Variants in INPP4A observed in about 807,000 individuals in gnomAD.
INPP4A encodes the protein inositol polyphosphate-4-phosphatase, type I, 107kD.
Under a neutral mutation model 119.8 loss-of-function variants are expected in INPP4A, and 33 were observed. That is an observed-to-expected ratio of 0.28 (90% CI 0.21 to 0.37). The LOEUF (loss-of-function observed/expected upper bound fraction) is 0.37, where lower values mean the gene tolerates loss of function less well. INPP4A is among the 10% of genes least tolerant of loss of function. The pLI is 1.00. For synonymous variants in INPP4A, 496 were observed against 500.7 expected (o/e 0.99, Z 0.12); for missense variants, 956 against 1,289.9 (o/e 0.74, Z 3.97).
intron 1 of INPP4A, among the ~76,000 whole-genome samples, chr2:98,491,524 A>G (rs1680772322): frequency 6.6e-6 from 1 of 152,214 alleles, no homozygotes; most frequent in African/African-American, 2.4e-5. Flanking sequence ...CCTGGTGGCA[A>G]GTGAGGAAGG....
At chr2:98,450,239 C>T (rs1694988590) in intron 1 of INPP4A, among the ~76,000 whole-genome samples, 1 of 152,006 alleles carries the variant, frequency 6.6e-6, no homozygotes, top group Non-Finnish European at 1.5e-5. Flanking sequence ...GAGCATCCCC[C>T]GAGGGTAGTT....
At chr2:98,473,679 G>A (rs1676626148) in intron 1 of INPP4A, among the ~76,000 whole-genome samples, 1 of 152,132 alleles carries the variant, frequency 6.6e-6, no homozygotes, top group African/African-American at 2.4e-5. Context: ...TAAGCCGGTT[G>A]CTACCTCTGG....
At chr2:98,446,570 G>C (rs1694230367) in intron 1 of INPP4A, among the ~76,000 whole-genome samples, 1 of 152,114 alleles carries the variant, frequency 6.6e-6, no homozygotes, top group African/African-American at 2.4e-5. Flanking sequence ...GTAGAGTTTG[G>C]CTTGAAGAAA....
intron 1 of INPP4A, among the ~76,000 whole-genome samples, chr2:98,479,877 G>T (rs963794560): frequency 6.6e-6 from 1 of 152,186 alleles, no homozygotes; most frequent in Non-Finnish European, 1.5e-5. Flanking sequence ...TCTCCCTTGG[G>T]CTGTGCACTT....
intron 17 of INPP4A, among the ~76,000 whole-genome samples, chr2:98,560,965 T>C (rs942153701): frequency 6.6e-6 from 1 of 152,228 alleles, no homozygotes; most frequent in Admixed American, 6.5e-5. Flanking sequence ...CCAGAAGCAC[T>C]GATGGCTTTT....
chr2:98,466,024 G>T (rs991836804), intron 1 of INPP4A, among the ~76,000 whole-genome samples: 2 of 151,942 alleles, frequency 1.3e-5, no homozygotes, highest in Non-Finnish European at 2.9e-5. Flanking sequence ...TTCTTGTTAC[G>T]TTTTTTGTTT....
intron 4 of INPP4A, 44 bp from the exon 5 acceptor site, chr2:98,533,333 T>C: frequency 8.1e-7 from 1 of 1,234,946 alleles, no homozygotes; most frequent in Non-Finnish European, 1.2e-6. Flanking sequence ...CTAATCAGAG[T>C]CTGGTTTTAA....
At chr2:98,485,381 A>G (rs998185554) in intron 1 of INPP4A, among the ~76,000 whole-genome samples, 2 of 152,216 alleles carry the variant, frequency 1.3e-5, no homozygotes, top group Non-Finnish European at 2.9e-5. Flanking sequence ...TATCCAAGTC[A>G]GAACTGATTT....
chr2:98,567,554 G>A (rs552096289), intron 21 of INPP4A, among the ~76,000 whole-genome samples: 2 of 152,184 alleles, frequency 1.3e-5, no homozygotes, highest in African/African-American at 2.4e-5. Flanking sequence ...CAGTAGCTGC[G>A]GATCCCACAG....
Position 98,520,745 on chromosome 2 carries a change from A to C in INPP4A, c.151+14A>C. ...AATTTAGCTTAGGTAGGTATCTTTC[A>C]TTATTTTTTTGTTTTAAAAAATATT... On this transcript the variant is annotated intron_variant, in intron 4 of 24. Coordinates refer to ENST00000409851, the MANE Select transcript of INPP4A (RefSeq NM_001134225.2). The C allele has an allele frequency of 7.1e-7, 1 of 1,402,204 alleles. No homozygotes were observed. 86.9% of individuals were successfully genotyped at this position (1,402,204 alleles called of 1,614,324 possible).
intron 1 of INPP4A, among the ~76,000 whole-genome samples, chr2:98,499,513 C>G (rs1462285033): frequency 6.6e-6 from 1 of 152,190 alleles, no homozygotes; most frequent in Non-Finnish European, 1.5e-5. Context: ...TCCAAGTAAT[C>G]TGATGAATGC....
At chr2:98,449,595 C>G (rs1002156527) in intron 1 of INPP4A, among the ~76,000 whole-genome samples, 2 of 152,182 alleles carry the variant, frequency 1.3e-5, no homozygotes, top group African/African-American at 2.4e-5. Context: ...AGCCATTTCT[C>G]CAAAGAGTCC....
intron 24 of INPP4A, among the ~76,000 whole-genome samples, chr2:98,578,839 T>C (rs1279635590): frequency 6.6e-6 from 1 of 152,252 alleles, no homozygotes; most frequent in Admixed American, 6.5e-5. Context: ...TTTCCTAATG[T>C]GAACAGGTAG....
chr2:98,460,510 A>G (rs938992107), intron 1 of INPP4A, among the ~76,000 whole-genome samples: 1 of 152,100 alleles, frequency 6.6e-6, no homozygotes, highest in Non-Finnish European at 1.5e-5. Context: ...AGACTCTTTC[A>G]TTCTTTTTGT....
chr2:98,483,500 C>T (rs1268845815), intron 1 of INPP4A, among the ~76,000 whole-genome samples: 1 of 152,154 alleles, frequency 6.6e-6, no homozygotes, highest in Non-Finnish European at 1.5e-5. Flanking sequence ...ATGTTCCCCC[C>T]CGGTCTTGTC....
intron 1 of INPP4A, among the ~76,000 whole-genome samples, chr2:98,516,002 T>G (rs1392530467): frequency 6.6e-6 from 1 of 152,188 alleles, no homozygotes; most frequent in African/African-American, 2.4e-5. Context: ...GGGTTATTGC[T>G]TCTTTTTTCT....
intron 22 of INPP4A, among the ~76,000 whole-genome samples, chr2:98,571,165 C>T (rs150997506): frequency 1.5e-3 from 224 of 152,342 alleles, no homozygotes; most frequent in African/African-American, 5.1e-3. Flanking sequence ...CACATGCTCG[C>T]CACAAGCTGG....
rs545552361 is a variant in INPP4A, at chr2:98,466,319, T to A, written c.-166+21234T>A. Among the ~76,000 whole-genome samples the A allele has an allele frequency of 7.9e-5, 12 of 152,362 alleles. No individual in the cohort carries two copies. In the South Asian group the frequency reaches 2.1e-3, roughly 26 times the overall value. ...CCTTGGCCTTCCAAAGTGCTGGGAT[T>A]ACAGGCGTGAGCCACCGTGCCCGGC... On this transcript the variant is annotated intron_variant, in intron 1 of 24. Transcript: ENST00000409851.
In INPP4A at chr2:98,554,407, A is replaced by G. The variant is rs1694095878; in HGVS notation, c.1484A>G (p.Asn495Ser). 1 of 1,613,836 alleles carries G rather than the reference A, an allele frequency of 6.2e-7. No individual in the cohort carries two copies. Reference sequence around the variant, plus strand: ...GAGGAGGAGCAGGTGATGCTTAGAAATGACCAGGACACCCTCATGGCCCGG... The same window carrying G: ...GAGGAGGAGCAGGTGATGCTTAGAAGTGACCAGGACACCCTCATGGCCCGG... The part of the protein sequence containing the change: ...STEEEQVMLR[N>S]DQDTLMARWT... Residue 495 changes from asparagine to serine, a missense_variant, in exon 15 of 25, where the codon AAT becomes AGT. Asn to Ser is a conservative substitution (Grantham distance 46). Transcript: ENST00000409851. This position sits in a 1 kb window ranked among gnomAD's most constrained non-coding sequence, Gnocchi z 4.7.
Sources: gnomAD v4.1 joint callset for allele counts (sites outside exome capture counted in the v4.1 genomes callset) on GRCh38, gnomAD v4.1.1 for gene constraint, Gnocchi (gnomAD v3.1) non-coding constraint, MANE v1.5 for transcripts, NCBI Gene and HGNC (gene_info 2026-07-23, HGNC 2026-07-21) for gene names.